The following SLC22A15 variants were observed in gnomAD, a reference collection of about 807,000 sequenced individuals.
SLC22A15 encodes the protein solute carrier family 22 member 15.
A neutral mutation model predicts 62.7 loss-of-function variants in SLC22A15; 45 were observed. That is an observed-to-expected ratio of 0.72 (90% CI 0.56 to 0.92). The LOEUF (loss-of-function observed/expected upper bound fraction) is 0.92. Ranked by LOEUF, SLC22A15 falls within the 40% of genes least tolerant of loss-of-function variation. The pLI, the probability that SLC22A15 is intolerant of heterozygous loss-of-function variation, is 0.00. For synonymous variants in SLC22A15, 264 were observed against 267.0 expected (o/e 0.99, Z 0.11); for missense variants, 622 against 665.6 (o/e 0.93, Z 0.72).
At chr1:116,028,523 C>CTTT (rs1177157642) in intron 5 of SLC22A15, among the ~76,000 whole-genome samples, 14 of 84,006 alleles carry the variant, frequency 1.7e-4, no homozygotes, top group Middle Eastern at 8.2e-3. Flanking sequence ...AGCTGTTCTG[C>CTTT]TTTTTTTTTT....
At position 116,066,719 on chromosome 1, in the gene SLC22A15, TTTC is replaced by T; in HGVS notation, c.1554+14_1554+16del. The T allele has an allele frequency of 6.2e-7, 1 of 1,605,470 alleles. No individual in the cohort carries two copies. Among genetic ancestry groups the T allele is most frequent in the Non-Finnish European group, 8.5e-7 (1 of 1,176,368 alleles). ...TTGGACCCCCAACAGGTGTGATATTTTTCTTAATTATTATACCGCTTGGATAGT... is the reference window on the plus strand; with the variant it reads ...TTGGACCCCCAACAGGTGTGATATTTTTAATTATTATACCGCTTGGATAGT... On this transcript the variant is annotated intron_variant, in intron 11 of 11. Coordinates refer to ENST00000369503, the MANE Select transcript of SLC22A15 (RefSeq NM_018420.3).
At chr1:116,036,385 C>T (rs1280375279) in intron 7 of SLC22A15, among the ~76,000 whole-genome samples, 1 of 152,084 alleles carries the variant, frequency 6.6e-6, no homozygotes, top group Non-Finnish European at 1.5e-5. Flanking sequence ...GAAAGGCCTT[C>T]CATATTGACT....
chr1:116,001,683 C>A (rs1264514401), intron 2 of SLC22A15, among the ~76,000 whole-genome samples: 2 of 151,916 alleles, frequency 1.3e-5, no homozygotes, highest in African/African-American at 4.8e-5. Context: ...TGCTTGATTC[C>A]TTTTATTTCA....
At chr1:116,062,624 G>GA in intron 8 of SLC22A15, 138 bp from the exon 9 acceptor site, 4 of 942,096 alleles carry the variant, frequency 4.2e-6, no homozygotes, top group Non-Finnish European at 1.6e-6. Flanking sequence ...TAAACCTTCT[G>GA]AATGTGTATT....
chr1:115,984,072 T>A (rs1486785971), intron 1 of SLC22A15, among the ~76,000 whole-genome samples: 2 of 152,192 alleles, frequency 1.3e-5, no homozygotes, highest in African/African-American at 4.8e-5. Flanking sequence ...TTACTAAAAT[T>A]AAAACATTTG....
chr1:116,023,741 T>C (rs1186921313), intron 4 of SLC22A15, among the ~76,000 whole-genome samples: 1 of 152,124 alleles, frequency 6.6e-6, no homozygotes, highest in East Asian at 1.9e-4. Context: ...ATAGTAATTG[T>C]GGGGAGTAAC....
intron 7 of SLC22A15, among the ~76,000 whole-genome samples, chr1:116,035,545 TTTCAA>T (rs2101468579): frequency 6.6e-6 from 1 of 152,348 alleles, no homozygotes; most frequent in Admixed American, 6.5e-5. Flanking sequence ...TTTATATAGA[TTTCAA>T]TTCAATATTG....
chr1:116,015,503 T>G (rs916097434), intron 2 of SLC22A15, among the ~76,000 whole-genome samples: 4 of 152,228 alleles, frequency 2.6e-5, no homozygotes, highest in African/African-American at 9.6e-5. Context: ...AGGATAGTAT[T>G]GTAGCCTTTT....
chr1:116,066,651 T>C lies in SLC22A15; in HGVS notation c.1497T>C (p.Tyr499=). 1 of 1,612,864 alleles carries C rather than the reference T, an allele frequency of 6.2e-7. No individual in the cohort carries two copies. The highest frequency in any genetic ancestry group is 8.5e-7 in the Non-Finnish European group (1 of 1,179,582). Residue 499 remains tyrosine, a synonymous_variant, in exon 11 of 12, where the codon TAT becomes TAC. Transcript: ENST00000369503. ...AAACATTCTCCGACCTTCAGGTGTA[T>C]TCGTATCGCAGGCTGGGAGAAGAAG... The part of the protein sequence containing the change: ...LLETFSDLQV[Y]SYRRLGEEAL...
chr1:116,027,686 T>C (rs1444170958), intron 5 of SLC22A15, among the ~76,000 whole-genome samples: 1 of 151,786 alleles, frequency 6.6e-6, no homozygotes, highest in Non-Finnish European at 1.5e-5. Context: ...AGTGCAATGG[T>C]GTGATCTCGG....
At chr1:115,976,750 T>C in intron 1 of SLC22A15, 36 bp downstream of exon 1, 1 of 1,503,964 alleles carries the variant, frequency 6.6e-7, no homozygotes, top group Non-Finnish European at 9.0e-7. Context: ...CATTTCCCTC[T>C]TCAGGGCCGC....
At chr1:116,056,495 G>C (rs1174925689) in intron 8 of SLC22A15, among the ~76,000 whole-genome samples, 1 of 151,012 alleles carries the variant, frequency 6.6e-6, no homozygotes, top group East Asian at 1.9e-4. Flanking sequence ...GTAATTTATA[G>C]ATTCAATGCC....
In SLC22A15 at chr1:116,067,916, A is replaced by G. The variant is rs1188499129; in HGVS notation, c.*808A>G. Reference sequence around the variant, plus strand: ...AGATTCTAGTACTTCAAAATCATGCATAGTAAATGAGAAAGCTTTAAGTAG... The same window carrying G: ...AGATTCTAGTACTTCAAAATCATGCGTAGTAAATGAGAAAGCTTTAAGTAG... On this transcript the variant is annotated 3_prime_UTR_variant, in exon 12 of 12. Transcript: ENST00000369503. The G allele has an allele frequency of 1.3e-5, 2 of 152,240 alleles. No homozygotes were observed. Among genetic ancestry groups the G allele is most frequent in the South Asian group, 2.1e-4 (1 of 4,822 alleles). The allele number at this position is 152,240 out of a possible 1,614,324, so 9.4% of individuals were successfully genotyped here. A position where few individuals can be genotyped will look rare whatever the true frequency, so the allele number is the denominator to read the frequency against.
intron 1 of SLC22A15, among the ~76,000 whole-genome samples, chr1:115,986,203 CT>C (rs978854046): frequency 4.7e-5 from 7 of 149,770 alleles, no homozygotes; most frequent in African/African-American, 7.4e-5. Context: ...TTTTTTTCAT[CT>C]TTTTTTTTGG....
chr1:116,001,806 A>G (rs1655746084), intron 2 of SLC22A15, among the ~76,000 whole-genome samples: 1 of 152,014 alleles, frequency 6.6e-6, no homozygotes, highest in Non-Finnish European at 1.5e-5. Flanking sequence ...AAGGTCACAT[A>G]TCTCTGTCAC....
At chr1:116,056,432 C>T (rs1324608565) in intron 8 of SLC22A15, among the ~76,000 whole-genome samples, 2 of 150,188 alleles carry the variant, frequency 1.3e-5, no homozygotes, top group African/African-American at 4.9e-5. Context: ...AAGAACATTC[C>T]ATGCTCATGG....
At chr1:116,059,016 G>A (rs1570774724) in intron 8 of SLC22A15, among the ~76,000 whole-genome samples, 2 of 152,050 alleles carry the variant, frequency 1.3e-5, no homozygotes, top group South Asian at 2.1e-4. Context: ...TATACTGCTC[G>A]GGTGATGGGT....
Position 116,051,704 on chromosome 1 carries a change from T to A in SLC22A15, c.1172-11058T>A, listed in dbSNP as rs1042988876. The stretch of plus-strand genomic sequence containing the variant: ...AAAACAAATGCAATAAAAACAAAGA[T>A]AAATAGTTGGGACTGACTGTACAAC... On this transcript the variant is annotated intron_variant, in intron 8 of 11. Transcript: ENST00000369503. Among the ~76,000 whole-genome samples the A allele has an allele frequency of 2.0e-5, 3 of 152,228 alleles. No homozygotes were observed. The South Asian group carries it at 6.2e-4, about 32-fold the overall frequency.
intron 2 of SLC22A15, among the ~76,000 whole-genome samples, chr1:116,005,973 GACA>G (rs1655956271): frequency 6.6e-6 from 1 of 152,196 alleles, no homozygotes; most frequent in South Asian, 2.1e-4. Flanking sequence ...ACTCATTTCT[GACA>G]ACCCCTTATA....
Sources: allele counts gnomAD v4.1 joint callset (sites outside exome capture counted in the v4.1 genomes callset), GRCh38; gene constraint gnomAD v4.1.1; transcripts MANE v1.5; gene names NCBI Gene and HGNC (gene_info 2026-07-23, HGNC 2026-07-21).